The following GABRG3 variants were observed in gnomAD, a reference collection of about 807,000 sequenced individuals.
GABRG3 encodes gamma-aminobutyric acid type A receptor subunit gamma3, also known as gamma-aminobutyric acid receptor subunit gamma-3.
A neutral mutation model predicts 48.8 loss-of-function variants in GABRG3; 25 were observed. The ratio of observed to expected loss-of-function variants is 0.51; its 90% confidence interval spans 0.37 to 0.72. GABRG3 has a LOEUF of 0.72. Ranked by LOEUF, GABRG3 falls within the 30% of genes least tolerant of loss-of-function variation. The probability of loss-of-function intolerance (pLI) is 0.00; values close to 1 mark genes in which losing one functional copy is unlikely to be tolerated. For synonymous variants in GABRG3, 227 were observed against 217.6 expected, an observed-to-expected ratio of 1.04 and a Z score of -0.38; for missense variants, 394 against 577.9, an observed-to-expected ratio of 0.68 and a Z score of 3.26.
intron 3 of GABRG3, among the ~76,000 whole-genome samples, chr15:27,159,006 T>C (rs762626345): frequency 1.1e-4 from 16 of 152,176 alleles, no homozygotes; most frequent in Non-Finnish European, 1.9e-4. Flanking sequence ...CAGGAAGTCA[T>C]GTACAGTGTT....
At chr15:27,061,694 A>G (rs1203910053) in intron 3 of GABRG3, among the ~76,000 whole-genome samples, 1 of 151,932 alleles carries the variant, frequency 6.6e-6, no homozygotes, top group Non-Finnish European at 1.5e-5. Context: ...CCTGCTCCCC[A>G]CCAAAGAGAA....
At chr15:27,125,161 A>G (rs1897797885) in intron 3 of GABRG3, among the ~76,000 whole-genome samples, 1 of 152,264 alleles carries the variant, frequency 6.6e-6, no homozygotes, top group Admixed American at 6.5e-5. Flanking sequence ...GAAATATTTC[A>G]AATGAAATGT....
intron 3 of GABRG3, among the ~76,000 whole-genome samples, chr15:27,144,103 A>C (rs1898154984): frequency 6.6e-6 from 1 of 152,220 alleles, no homozygotes; most frequent in African/African-American, 2.4e-5. Context: ...AAAAAGCAAT[A>C]ACAATGCTGA....
At chr15:27,431,570 G>C (rs1461216825) in intron 5 of GABRG3, among the ~76,000 whole-genome samples, 2 of 152,128 alleles carry the variant, frequency 1.3e-5, no homozygotes, top group African/African-American at 4.8e-5. Flanking sequence ...TTGAATAAAA[G>C]TGTTGAGAGC....
At chr15:27,187,387 A>C (rs2140420159) in intron 3 of GABRG3, among the ~76,000 whole-genome samples, 1 of 152,186 alleles carries the variant, frequency 6.6e-6, no homozygotes, top group Non-Finnish European at 1.5e-5. Flanking sequence ...TTGGCTATTC[A>C]GGCCCTTTTT....
intron 3 of GABRG3, among the ~76,000 whole-genome samples, chr15:27,033,706 A>G (rs1010817385): frequency 3.3e-5 from 5 of 152,190 alleles, no homozygotes; most frequent in Non-Finnish European, 7.4e-5. Flanking sequence ...TGATGGTCTT[A>G]TATGTGGTTT....
At chr15:27,307,938 TAAAC>T (rs1287971514) in intron 3 of GABRG3, among the ~76,000 whole-genome samples, 1 of 132,092 alleles carries the variant, frequency 7.6e-6, no homozygotes, top group East Asian at 2.2e-4. Flanking sequence ...TGCTTGTATA[TAAAC>T]ATATATGTAA....
chr15:27,044,376 C>T (rs920008407), intron 3 of GABRG3, among the ~76,000 whole-genome samples: 3 of 149,892 alleles, frequency 2.0e-5, no homozygotes, highest in African/African-American at 7.3e-5. Context: ...TTAGGCAAAT[C>T]GAAGCTATCA....
intron 3 of GABRG3, among the ~76,000 whole-genome samples, chr15:27,263,242 C>T (rs920105758): frequency 1.3e-5 from 2 of 152,276 alleles, no homozygotes; most frequent in East Asian, 1.9e-4. Context: ...AGAAATGTGG[C>T]GTTACAGCCA....
chr15:27,316,952 G>A (rs994764223), intron 3 of GABRG3, among the ~76,000 whole-genome samples: 16 of 152,214 alleles, frequency 1.1e-4, no homozygotes, highest in Admixed American at 7.8e-4. Context: ...GTGAGGTCAC[G>A]AAGTACTGTC....
At chr15:27,346,719 C>T (rs1488717806) in intron 5 of GABRG3, among the ~76,000 whole-genome samples, 1 of 152,016 alleles carries the variant, frequency 6.6e-6, no homozygotes, top group African/African-American at 2.4e-5. Flanking sequence ...GTCAATTCTA[C>T]TGATGACCCC....
At chr15:27,151,447 A>G (rs1898313881) in intron 3 of GABRG3, among the ~76,000 whole-genome samples, 2 of 151,924 alleles carry the variant, frequency 1.3e-5, no homozygotes, top group African/African-American at 4.8e-5. Flanking sequence ...TGCGAGTAGT[A>G]TTCCGTAGTA....
intron 2 of GABRG3, among the ~76,000 whole-genome samples, chr15:27,025,821 G>A (rs1895974143): frequency 6.6e-6 from 1 of 152,240 alleles, no homozygotes; most frequent in South Asian, 2.1e-4. Context: ...CATGGGGAAA[G>A]GTTCAGGAGT....
intron 6 of GABRG3, among the ~76,000 whole-genome samples, chr15:27,482,336 A>G (rs1322764929): frequency 1.3e-5 from 2 of 152,218 alleles, no homozygotes; most frequent in Non-Finnish European, 2.9e-5. Flanking sequence ...TGTAGCCCAC[A>G]AGCATGAGAA....
chr15:27,051,639 T>C (rs931300484), intron 3 of GABRG3, among the ~76,000 whole-genome samples: 2 of 152,216 alleles, frequency 1.3e-5, no homozygotes, highest in Non-Finnish European at 2.9e-5. Flanking sequence ...TCCCCAACCT[T>C]TTTGGCACCA....
intron 2 of GABRG3, among the ~76,000 whole-genome samples, chr15:27,009,077 C>T (rs1895639715): frequency 6.6e-6 from 1 of 152,118 alleles, no homozygotes; most frequent in Non-Finnish European, 1.5e-5. Context: ...AGACTCTGCT[C>T]ACGGTGCCGT....
intron 3 of GABRG3, among the ~76,000 whole-genome samples, chr15:27,070,154 C>T (rs1896804130): frequency 6.6e-6 from 1 of 152,276 alleles, no homozygotes; most frequent in African/African-American, 2.4e-5. Context: ...CCAGATTCCA[C>T]TTATGTCATC....
rs550107713 is a variant in GABRG3 at position 27,192,131 on chromosome 15, G to A, written c.271-134678G>A. ...ATGGGCTTCCCTTTGAGGGTAACCC[G>A]ACCTTTCTCTCTGGCTGCCCTTAAC... On this transcript the variant is annotated intron_variant, in intron 3 of 9. Coordinates refer to ENST00000615808, the MANE Select transcript of GABRG3 (RefSeq NM_033223.5). Among the ~76,000 whole-genome samples, 342 of 151,758 alleles carry A rather than the reference G, an allele frequency of 2.3e-3. 2 individuals are homozygous for A. The highest frequency in any genetic ancestry group is 5.7e-3 in the African/African-American group (234 of 41,326).
At position 27,538,243 on chromosome 15, in the gene GABRG3, G is replaced by A. The variant is rs1891593376; in HGVS notation, c.*5362G>A. ...TTTATTGTCCTGCTTACTTATAAAAGCCAAATTTTAGGCGAACTTAAATAA... is the reference window on the plus strand; with the variant it reads ...TTTATTGTCCTGCTTACTTATAAAAACCAAATTTTAGGCGAACTTAAATAA... On this transcript the variant is annotated 3_prime_UTR_variant, in exon 10 of 10. Transcript: ENST00000615808. The A allele has an allele frequency of 6.7e-6, 1 of 148,558 alleles. No homozygotes were observed. The highest frequency in any genetic ancestry group is 1.9e-4 in the East Asian group (1 of 5,186). 9.2% of individuals were successfully genotyped at this position (148,558 alleles called of 1,614,324 possible).
Sources: allele counts gnomAD v4.1 joint callset (sites outside exome capture counted in the v4.1 genomes callset), GRCh38; gene constraint gnomAD v4.1.1; transcripts MANE v1.5; gene names NCBI Gene and HGNC (gene_info 2026-07-23, HGNC 2026-07-21).